APPL1: variants seen among roughly 807,000 people sequenced by gnomAD.
The protein encoded by APPL1 is adaptor protein, phosphotyrosine interacting with PH domain and leucine zipper 1.
APPL1 carries 42 observed loss-of-function variants against 106.8 expected under a neutral mutation model. That is an observed-to-expected ratio of 0.39 (90% CI 0.31 to 0.51). The LOEUF is 0.51. Among genes scored for constraint, APPL1 ranks in the 20% least tolerant of loss-of-function variants. The pLI is 0.75. For synonymous variants in APPL1, 263 were observed against 281.8 expected, an observed-to-expected ratio of 0.93 and a Z score of 0.67; for missense variants, 769 against 858.2, an observed-to-expected ratio of 0.90 and a Z score of 1.30.
chr3:57,249,193 T>C (rs1047451706), intron 10 of APPL1, among the ~76,000 whole-genome samples, 167 bp from the exon 11 acceptor site: 3 of 152,224 alleles, frequency 2.0e-5, no homozygotes, highest in African/African-American at 7.2e-5. Context: ...TGAGTCAACA[T>C]ACATGAATTT....
At chr3:57,262,295 T>C (rs568397244) in intron 19 of APPL1, among the ~76,000 whole-genome samples, 1 of 151,782 alleles carries the variant, frequency 6.6e-6, no homozygotes, top group South Asian at 2.1e-4. Context: ...ACTTTTGAGG[T>C]CTTAGGCATA....
intron 9 of APPL1, 102 bp downstream of exon 9, chr3:57,247,579 AT>A: frequency 1.3e-6 from 1 of 769,614 alleles, no homozygotes; most frequent in Non-Finnish European, 2.0e-6. Flanking sequence ...CTGAGGGAAT[AT>A]TTTCCCTGCC....
intron 13 of APPL1, among the ~76,000 whole-genome samples, chr3:57,255,664 A>G (rs944955582): frequency 1.3e-5 from 2 of 152,202 alleles, no homozygotes; most frequent in Non-Finnish European, 2.9e-5. Flanking sequence ...ATTATGTCTA[A>G]TAAAATAAAT....
intron 1 of APPL1, chr3:57,230,674 G>T: frequency 2.6e-6 from 1 of 386,010 alleles, no homozygotes. Flanking sequence ...TAATGCTTTG[G>T]AGCATAAATT....
intron 11 of APPL1, 125 bp downstream of exon 11, chr3:57,249,673 T>A (rs2060793140): frequency 8.4e-6 from 7 of 829,352 alleles, no homozygotes; most frequent in East Asian, 6.2e-5. Context: ...GATAAATTGC[T>A]TTTTAATCTT....
chr3:57,234,200 A>C (rs1402742384), intron 1 of APPL1, among the ~76,000 whole-genome samples: 2 of 151,174 alleles, frequency 1.3e-5, no homozygotes, highest in Non-Finnish European at 2.9e-5. Context: ...TGGTATTTTC[A>C]TTCTTCCCCT....
intron 13 of APPL1, among the ~76,000 whole-genome samples, chr3:57,256,113 G>T (rs1024293605): frequency 2.0e-5 from 3 of 152,150 alleles, no homozygotes; most frequent in African/African-American, 4.8e-5. Flanking sequence ...GGAGGCTGAG[G>T]GGGGAGGATT....
At chr3:57,264,745 T>C (rs964590989) in intron 19 of APPL1, among the ~76,000 whole-genome samples, 2 of 151,646 alleles carry the variant, frequency 1.3e-5, no homozygotes, top group African/African-American at 4.8e-5. Flanking sequence ...ATGAGTTCGC[T>C]GTAGTTGTGT....
At chr3:57,269,251 A>G (rs893916078) in intron 21 of APPL1, 3 of 255,162 alleles carry the variant, frequency 1.2e-5, no homozygotes, top group East Asian at 1.6e-4. Flanking sequence ...GGGTTTTACT[A>G]TAATATATAG....
In APPL1 at chr3:57,257,538, C is replaced by T. The variant is rs186408913; in HGVS notation, c.1430+110C>T. 92 of 970,074 alleles carry T rather than the reference C, an allele frequency of 9.5e-5. 1 individual carries two copies. In the East Asian group the frequency reaches 2.3e-3, roughly 24 times the overall value. The allele number at this position is 970,074 out of a possible 1,614,324, so 60.1% of individuals were successfully genotyped here. A position where few individuals can be genotyped will look rare whatever the true frequency, so the allele number is the denominator to read the frequency against. ...TATAATGTATATCAGCTATGTTGTA[C>T]TTTCTTTGTTTAATTATGTAACATA... is the stretch of plus-strand genomic sequence containing the variant. On this transcript the variant is annotated intron_variant, in intron 15 of 21. Coordinates refer to ENST00000288266, the MANE Select transcript of APPL1 (RefSeq NM_012096.3).
At chr3:57,239,417 A>G (rs921965260) in intron 4 of APPL1, among the ~76,000 whole-genome samples, 1 of 152,220 alleles carries the variant, frequency 6.6e-6, no homozygotes, top group African/African-American at 2.4e-5. Flanking sequence ...TTCACTTAGC[A>G]TAATGTGTTC....
intron 16 of APPL1, among the ~76,000 whole-genome samples, chr3:57,259,640 T>G (rs1176872736): frequency 2.6e-5 from 4 of 152,174 alleles, no homozygotes; most frequent in Non-Finnish European, 5.9e-5. Context: ...CTATTTGAAT[T>G]TGAAACCCTA....
In APPL1 at chr3:57,227,930, G is replaced by T. The variant is rs1171557373; in HGVS notation, c.47G>T (p.Ser16Ile). The T allele has an allele frequency of 5.5e-6, 8 of 1,450,022 alleles. No individual in the cohort carries two copies. In the Admixed American group the frequency reaches 1.4e-4, roughly 25 times the overall value. 89.8% of individuals were successfully genotyped at this position (1,450,022 alleles called of 1,614,324 possible). The change falls in exon 1 of 22, where the codon AGC becomes ATC. Residue 16 changes from serine (S) to isoleucine (I), a missense_variant. Physicochemically the swap from Ser to Ile is moderately radical, Grantham distance 142. Transcript: ENST00000288266. ...CCCATCGAGGAGACGCTGGAGGACA[G>T]CCCGCAGGTGAGGCGCGGGAGCTGG... ...KLPIEETLED[S>I]PQTRSLLGVF...
chr3:57,229,755 C>G (rs1255279768), intron 1 of APPL1, among the ~76,000 whole-genome samples: 1 of 140,874 alleles, frequency 7.1e-6, no homozygotes. Flanking sequence ...CTCTTGTTGC[C>G]CAGGCTGGAG....
chr3:57,243,931 A>T (rs2060759465), intron 7 of APPL1, among the ~76,000 whole-genome samples: 1 of 152,198 alleles, frequency 6.6e-6, no homozygotes, highest in South Asian at 2.1e-4. Context: ...GGGGAACAAC[A>T]TGAATAGGCT....
chr3:57,257,673 A>G (rs2060844650), intron 15 of APPL1, among the ~76,000 whole-genome samples: 3 of 152,096 alleles, frequency 2.0e-5, no homozygotes, highest in African/African-American at 2.4e-5. Context: ...TATTAGGTCT[A>G]TTTCTTGGAT....
At position 57,251,605 on chromosome 3, in the gene APPL1, CAT is replaced by C. The variant is rs1024674615; in HGVS notation, c.1053-660_1053-659del. Among the ~76,000 whole-genome samples, 4 of 150,390 alleles carry C rather than the reference CAT, an allele frequency of 2.7e-5. No homozygotes were observed. In the East Asian group the frequency reaches 5.9e-4, roughly 22 times the overall value. On this transcript the variant is annotated intron_variant, in intron 11 of 21. Transcript: ENST00000288266. The stretch of plus-strand genomic sequence containing the variant: ...TTTAATTTCACATTCCTTCTACAAA[CAT>C]ATAATGAATGCCAATATTGTGTGGA...
At position 57,260,470 on chromosome 3, in the gene APPL1, A is replaced by T. The variant is rs112272344; in HGVS notation, c.1696-158A>T. On this transcript the variant is annotated intron_variant, in intron 18 of 21. Coordinates refer to ENST00000288266, the MANE Select transcript of APPL1 (RefSeq NM_012096.3). The stretch of plus-strand genomic sequence containing the variant: ...TTCTGCTTGTTAATTCAAACCAAAT[A>T]TGACATTACTTGTTTCTGCATTACA... 191 of 651,300 alleles carry T rather than the reference A, an allele frequency of 2.9e-4. 1 individual carries two copies. Among genetic ancestry groups the T allele is most frequent in the African/African-American group, 2.9e-3 (151 of 52,916 alleles). The allele number at this position is 651,300 out of a possible 1,614,324, so 40.3% of individuals were successfully genotyped here. A position where few individuals can be genotyped will look rare whatever the true frequency, so the allele number is the denominator to read the frequency against.
chr3:57,227,797 G>C lies in APPL1; in HGVS notation c.-87G>C. 1.7e-6 allele frequency: 2 copies of C among 1,207,452 alleles called. No individual in the cohort carries two copies. The highest frequency in any genetic ancestry group is 2.2e-6 in the Non-Finnish European group (2 of 908,162). The allele number at this position is 1,207,452 out of a possible 1,614,324, so 74.8% of individuals were successfully genotyped here. A position where few individuals can be genotyped will look rare whatever the true frequency, so the allele number is the denominator to read the frequency against. ...GGCTGCAGCCCTTGCCGGAGAGGGC[G>C]GGCCGGGGTCAGCTGCGGCGGGCGG... On this transcript the variant is annotated 5_prime_UTR_variant, in exon 1 of 22. Transcript: ENST00000288266.
Sources: gnomAD v4.1 joint callset for allele counts (sites outside exome capture counted in the v4.1 genomes callset) on GRCh38, gnomAD v4.1.1 for gene constraint, MANE v1.5 for transcripts, NCBI Gene and HGNC (gene_info 2026-07-23, HGNC 2026-07-21) for gene names.